The following DDAH1 variants were observed in gnomAD, a reference collection of about 807,000 sequenced individuals.
DDAH1 encodes N(G),N(G)-dimethylarginine dimethylaminohydrolase 1.
Under a neutral mutation model 28.8 loss-of-function variants are expected in DDAH1, and 19 were observed. The ratio of observed to expected loss-of-function variants is 0.66; its 90% CI spans 0.46 to 0.97. The LOEUF (loss-of-function observed/expected upper bound fraction) is 0.97, where lower values mean the gene tolerates loss of function less well. DDAH1 is among the 50% of genes least tolerant of loss of function. DDAH1 has a pLI of 0.00. For synonymous variants in DDAH1, 153 were observed against 154.4 expected, an observed-to-expected ratio of 0.99 and a Z score of 0.07; for missense variants, 326 against 375.9, an observed-to-expected ratio of 0.87 and a Z score of 1.10.
In DDAH1 at chr1:85,459,508, T is replaced by TA. The variant is rs139759792; in HGVS notation, c.303+5234dup. ...AGGCCATGTAGAAGAGTCAAAACAA[T>TA]AAAAAAAAAATCCTGAAAAGGAGCA... is the stretch of plus-strand genomic sequence containing the variant. On this transcript the variant is annotated intron_variant, in intron 1 of 5. Transcript: ENST00000284031. 2.8e-4 allele frequency among the ~76,000 whole-genome samples: 42 copies of TA among 149,154 alleles called. 1 individual carries two copies. Among genetic ancestry groups the TA allele is most frequent in the South Asian group, 8.4e-4 (4 of 4,742 alleles).
At chr1:85,489,575 G>A (rs538104476) in intron 2 of DDAH1, among the ~76,000 whole-genome samples, 142 of 152,160 alleles carry the variant, frequency 9.3e-4, no homozygotes, top group African/African-American at 3.3e-3. Flanking sequence ...AGAATTTGTT[G>A]GTGGTTTCAA....
intron 4 of DDAH1, among the ~76,000 whole-genome samples, chr1:85,348,847 A>T (rs535073019): frequency 6.6e-6 from 1 of 152,316 alleles, no homozygotes; most frequent in East Asian, 1.9e-4. Context: ...GTAGGGACCA[A>T]ATGATTTGAG....
chr1:85,563,375 A>G (rs1659192985), intron 1 of DDAH1, among the ~76,000 whole-genome samples: 1 of 152,230 alleles, frequency 6.6e-6, no homozygotes, highest in African/African-American at 2.4e-5. Flanking sequence ...AGCTGGGAAT[A>G]TTTTGTGTTC....
At chr1:85,489,870 A>T (rs1656327558) in intron 2 of DDAH1, among the ~76,000 whole-genome samples, 1 of 152,214 alleles carries the variant, frequency 6.6e-6, no homozygotes, top group African/African-American at 2.4e-5. Context: ...GTGATATAGT[A>T]AAATTAAAAA....
intron 1 of DDAH1, among the ~76,000 whole-genome samples, chr1:85,548,391 A>T (rs931072316): frequency 5.9e-5 from 9 of 152,152 alleles, no homozygotes; most frequent in Non-Finnish European, 1.3e-4. Context: ...CTGGCATCTG[A>T]CTCCAAAGCT....
At chr1:85,472,430 A>G (rs1206211914) in intron 2 of DDAH1, among the ~76,000 whole-genome samples, 1 of 152,196 alleles carries the variant, frequency 6.6e-6, no homozygotes, top group Non-Finnish European at 1.5e-5. Context: ...CCATGTGTAC[A>G]TGCTAAATAA....
chr1:85,559,683 C>A (rs1570675060), intron 1 of DDAH1, among the ~76,000 whole-genome samples: 3 of 151,652 alleles, frequency 2.0e-5, no homozygotes, highest in East Asian at 3.9e-4. Flanking sequence ...AGTATAACAT[C>A]TAAAATAAAG....
intron 1 of DDAH1, among the ~76,000 whole-genome samples, chr1:85,425,979 T>G (rs1653376546): frequency 6.6e-6 from 1 of 152,186 alleles, no homozygotes; most frequent in Admixed American, 6.5e-5. Context: ...AAAACAGATT[T>G]TAAAATATCC....
intron 1 of DDAH1, among the ~76,000 whole-genome samples, chr1:85,428,568 CAT>C (rs904158773): frequency 1.3e-5 from 2 of 152,116 alleles, no homozygotes; most frequent in African/African-American, 4.8e-5. Flanking sequence ...ACAGCCAAAC[CAT>C]ATCAGAGACA....
At chr1:85,365,692 C>G (rs1650035899) in intron 1 of DDAH1, among the ~76,000 whole-genome samples, 1 of 139,946 alleles carries the variant, frequency 7.1e-6, no homozygotes, top group Non-Finnish European at 1.6e-5. Context: ...TTCTACCACA[C>G]TAGGAAGTAT....
intron 4 of DDAH1, among the ~76,000 whole-genome samples, chr1:85,347,796 A>G (rs965048385): frequency 2.0e-5 from 3 of 152,202 alleles, no homozygotes; most frequent in African/African-American, 7.2e-5. Flanking sequence ...CCCATTATTA[A>G]TTTTATTGAT....
rs1661228820 is a variant in DDAH1 at position 85,319,336 on chromosome 1, C to T, written c.*2116G>A. On this transcript the variant is annotated 3_prime_UTR_variant, in exon 6 of 6. Coordinates refer to ENST00000284031, the MANE Select transcript of DDAH1 (RefSeq NM_012137.4). ...AAAGAAAGGAAAAGTGAAAAACAGC[C>T]TTCTGCAGAACAAATTGTTACAAAG... 1 of 152,134 alleles carries T rather than the reference C, an allele frequency of 6.6e-6. No homozygotes were observed. Among genetic ancestry groups the T allele is most frequent in the African/African-American group, 2.4e-5 (1 of 41,436 alleles). The allele number at this position is 152,134 out of a possible 1,614,324, so 9.4% of individuals were successfully genotyped here.
chr1:85,379,671 C>T, intron 1 of DDAH1: 5 of 985,374 alleles, frequency 5.1e-6, no homozygotes, highest in Non-Finnish European at 6.0e-6. Flanking sequence ...TTTTCCAAGG[C>T]ATTTGTTGAC....
At chr1:85,380,003 TGCC>T (rs1650894953) in intron 1 of DDAH1, among the ~76,000 whole-genome samples, 1 of 152,240 alleles carries the variant, frequency 6.6e-6, no homozygotes, top group Non-Finnish European at 1.5e-5. Context: ...AGAGTAATTC[TGCC>T]AAAACAACAG....
At chr1:85,375,273 A>G (rs1650601305) in intron 1 of DDAH1, among the ~76,000 whole-genome samples, 1 of 152,126 alleles carries the variant, frequency 6.6e-6, no homozygotes, top group South Asian at 2.1e-4. Flanking sequence ...TTGCACAGAG[A>G]GAGGTCCCTC....
At chr1:85,553,811 T>A (rs768959510) in intron 1 of DDAH1, among the ~76,000 whole-genome samples, 1 of 152,196 alleles carries the variant, frequency 6.6e-6, no homozygotes, top group Non-Finnish European at 1.5e-5. Flanking sequence ...TAACTGGATA[T>A]GTGATCTGGA....
intron 1 of DDAH1, among the ~76,000 whole-genome samples, chr1:85,378,110 G>T (rs1650780735): frequency 6.6e-6 from 1 of 152,056 alleles, no homozygotes; most frequent in African/African-American, 2.4e-5. Context: ...ATCAAATTTG[G>T]AAAACCAAAA....
intron 3 of DDAH1, among the ~76,000 whole-genome samples, chr1:85,350,948 G>A (rs1007564838): frequency 6.6e-5 from 10 of 151,990 alleles, no homozygotes; most frequent in Admixed American, 2.6e-4. Flanking sequence ...GAGGATGTAC[G>A]TGCAACACCT....
chr1:85,333,132 A>C (rs1647884917), intron 4 of DDAH1, among the ~76,000 whole-genome samples: 1 of 152,178 alleles, frequency 6.6e-6, no homozygotes, highest in African/African-American at 2.4e-5. Context: ...GGACTGGCCC[A>C]CCTGGCGTCC....
Sources: gnomAD v4.1 joint callset for allele counts (sites outside exome capture counted in the v4.1 genomes callset) on GRCh38, gnomAD v4.1.1 for gene constraint, MANE v1.5 for transcripts, NCBI Gene and HGNC (gene_info 2026-07-23, HGNC 2026-07-21) for gene names.